Variants in FGF10 observed in about 807,000 individuals in gnomAD.
The protein encoded by FGF10 is fibroblast growth factor 10.
FGF10 carries 2 observed loss-of-function variants against 19.8 expected under a neutral mutation model. The observed-to-expected ratio is 0.10, with a 90% confidence interval of 0.04 to 0.32. The LOEUF is 0.32. Among genes scored for constraint, FGF10 ranks in the 10% least tolerant of loss-of-function variants. The probability of loss-of-function intolerance (pLI) is 1.00; values close to 1 mark genes in which losing one functional copy is unlikely to be tolerated. For missense variants in FGF10, 191 were observed against 246.3 expected, an observed-to-expected ratio of 0.78 and a Z score of 1.50; for synonymous variants, 112 against 94.0, an observed-to-expected ratio of 1.19 and a Z score of -1.10.
intron 1 of FGF10, among the ~76,000 whole-genome samples, chr5:44,366,127 C>CTTTTTTTTTTTTTTTT (rs35522683): frequency 2.0e-4 from 15 of 74,822 alleles, no homozygotes; most frequent in Admixed American, 4.7e-4. Context: ...CAATTATTTC[C>CTTTTTTTTTTTTTTTT]TTTTTTTTTT....
At chr5:44,381,905 T>A (rs1237584331) in intron 1 of FGF10, among the ~76,000 whole-genome samples, 2 of 152,154 alleles carry the variant, frequency 1.3e-5, no homozygotes, top group Non-Finnish European at 2.9e-5. Context: ...TCTTTGAAAT[T>A]TGGGGTATAT....
chr5:44,353,749 A>ATCTG (rs1200427010), intron 1 of FGF10, among the ~76,000 whole-genome samples: 1 of 151,448 alleles, frequency 6.6e-6, no homozygotes, highest in Non-Finnish European at 1.5e-5. Flanking sequence ...TGACCTATCT[A>ATCTG]CTAAGCCATC....
At chr5:44,363,159 G>A (rs753403827) in intron 1 of FGF10, among the ~76,000 whole-genome samples, 2 of 151,714 alleles carry the variant, frequency 1.3e-5, no homozygotes, top group African/African-American at 2.4e-5. Context: ...TCATTAAAAA[G>A]TTTTCATTAG....
intron 1 of FGF10, among the ~76,000 whole-genome samples, chr5:44,379,882 A>G (rs1741948830): frequency 6.6e-6 from 1 of 151,914 alleles, no homozygotes; most frequent in Non-Finnish European, 1.5e-5. Context: ...CTCTTTTTCT[A>G]CTTTTCCCTC....
chr5:44,330,729 G>A (rs1374972), intron 1 of FGF10, among the ~76,000 whole-genome samples: 149,577 of 152,286 alleles, frequency 0.98, 73,526 homozygotes, highest in East Asian at 1. Context: ...TTTCATGGCT[G>A]TTGCACTATT....
At chr5:44,370,105 T>G (rs779263373) in intron 1 of FGF10, among the ~76,000 whole-genome samples, 5 of 152,146 alleles carry the variant, frequency 3.3e-5, no homozygotes, top group Non-Finnish European at 5.9e-5. Context: ...TAGTTCATTC[T>G]GAGCATGTGG....
At chr5:44,349,726 A>C (rs1038890573) in intron 1 of FGF10, among the ~76,000 whole-genome samples, 5 of 150,764 alleles carry the variant, frequency 3.3e-5, no homozygotes, top group African/African-American at 1.2e-4. Context: ...ATAACTTAAA[A>C]ATTTTGAATA....
chr5:44,361,418 A>G (rs1741480597), intron 1 of FGF10, among the ~76,000 whole-genome samples: 1 of 151,684 alleles, frequency 6.6e-6, no homozygotes, highest in East Asian at 1.9e-4. Flanking sequence ...TGTCATAGAT[A>G]TGAGAGCCTG....
At position 44,327,568 on chromosome 5, in the gene FGF10, C is replaced by T. The variant is rs1011614792; in HGVS notation, c.326-17038G>A. On this transcript the variant is annotated intron_variant, in intron 1 of 2. Transcript: ENST00000264664. ...GATGTTAAGGTAATAAGGTCCACTG[C>T]AAACATCCAAATATAAACAACTGCT... Among the ~76,000 whole-genome samples, 4 of 152,162 alleles carry T rather than the reference C, an allele frequency of 2.6e-5. 1 individual carries two copies. In the South Asian group the frequency reaches 8.3e-4, roughly 32 times the overall value.
chr5:44,347,011 C>A (rs978388538), intron 1 of FGF10, among the ~76,000 whole-genome samples: 7 of 151,616 alleles, frequency 4.6e-5, no homozygotes, highest in Non-Finnish European at 1.0e-4. Context: ...AAATTTATTT[C>A]TGTTCTCTAC....
At chr5:44,322,935 G>A (rs372697124) in intron 1 of FGF10, among the ~76,000 whole-genome samples, 18 of 152,068 alleles carry the variant, frequency 1.2e-4, no homozygotes, top group Non-Finnish European at 2.2e-4. Context: ...CTCCTTCACC[G>A]GTCCATGGAA....
intron 1 of FGF10, among the ~76,000 whole-genome samples, chr5:44,315,500 G>A (rs867553514): frequency 1.3e-5 from 2 of 152,142 alleles, no homozygotes; most frequent in African/African-American, 4.8e-5. Flanking sequence ...TTGAGTGGTA[G>A]TGGTGCTTTT....
chr5:44,334,399 C>T (rs1200977803), intron 1 of FGF10, among the ~76,000 whole-genome samples: 1 of 152,088 alleles, frequency 6.6e-6, no homozygotes, highest in Non-Finnish European at 1.5e-5. Flanking sequence ...CCAAAACCAA[C>T]ATAAAGGCTC....
chr5:44,367,429 C>T (rs1312731091), intron 1 of FGF10, among the ~76,000 whole-genome samples: 2 of 151,998 alleles, frequency 1.3e-5, no homozygotes, highest in Admixed American at 6.6e-5. Context: ...ACTAATTTGC[C>T]TCTGTCTAAT....
At chr5:44,351,992 G>A (rs1463919317) in intron 1 of FGF10, among the ~76,000 whole-genome samples, 1 of 151,488 alleles carries the variant, frequency 6.6e-6, no homozygotes, top group Non-Finnish European at 1.5e-5. Flanking sequence ...TAACTCAGTA[G>A]TAAAAGAAAC....
chr5:44,312,579 A>G (rs1353417023), intron 1 of FGF10, among the ~76,000 whole-genome samples: 4 of 152,126 alleles, frequency 2.6e-5, no homozygotes, highest in Non-Finnish European at 5.9e-5. Context: ...GGCATGCCAT[A>G]GAGGATAACG....
chr5:44,345,979 A>C (rs1741081497), intron 1 of FGF10, among the ~76,000 whole-genome samples: 1 of 151,816 alleles, frequency 6.6e-6, no homozygotes, highest in South Asian at 2.1e-4. Flanking sequence ...GATGATGCCC[A>C]AACATACATC....
chr5:44,352,853 A>C (rs1429758003), intron 1 of FGF10, among the ~76,000 whole-genome samples: 5 of 151,610 alleles, frequency 3.3e-5, no homozygotes, highest in Admixed American at 3.3e-4. Flanking sequence ...AGTTAATTAT[A>C]ATATGTCCTC....
chr5:44,348,377 A>C (rs1230949420), intron 1 of FGF10, among the ~76,000 whole-genome samples: 1 of 151,708 alleles, frequency 6.6e-6, no homozygotes, highest in East Asian at 1.9e-4. Context: ...AACACAACTT[A>C]CTAATGGAGT....
Sources: allele counts gnomAD v4.1 joint callset (sites outside exome capture counted in the v4.1 genomes callset), GRCh38; gene constraint gnomAD v4.1.1; transcripts MANE v1.5; gene names NCBI Gene and HGNC (gene_info 2026-07-23, HGNC 2026-07-21).